Variants in KPNB1 observed in about 807,000 individuals in gnomAD.
The protein encoded by KPNB1 is karyopherin subunit beta 1.
Under a neutral mutation model 113.0 loss-of-function variants are expected in KPNB1, and 7 were observed. The ratio of observed to expected loss-of-function variants is 0.06; its 90% confidence interval spans 0.04 to 0.12. KPNB1 has a LOEUF of 0.12. Ranked by LOEUF, KPNB1 falls within the 10% of genes least tolerant of loss-of-function variation. The probability of loss-of-function intolerance (pLI) is 1.00; values close to 1 mark genes in which losing one functional copy is unlikely to be tolerated. For missense variants in KPNB1, 400 were observed against 1,054.8 expected (o/e 0.38, Z 8.60); for synonymous variants, 363 against 378.6 (o/e 0.96, Z 0.48).
intron 19 of KPNB1, 138 bp downstream of exon 19, chr17:47,678,551 C>T: frequency 1.6e-6 from 1 of 645,140 alleles, no homozygotes; most frequent in Non-Finnish European, 2.8e-6. Context: ...GAGCAGTGCC[C>T]TAATGAAGAG....
chr17:47,655,881 A>T (rs903358745), intron 3 of KPNB1, among the ~76,000 whole-genome samples: 1 of 152,152 alleles, frequency 6.6e-6, no homozygotes, highest in African/African-American at 2.4e-5. Context: ...TCTAGGTTCT[A>T]GGGCAGTGTT....
intron 4 of KPNB1, among the ~76,000 whole-genome samples, chr17:47,657,749 A>G (rs1172270701): frequency 1.3e-5 from 2 of 152,226 alleles, no homozygotes; most frequent in South Asian, 4.1e-4. Flanking sequence ...CAGAGTCATT[A>G]TGCTAAGAAG....
rs752732705 is a variant in KPNB1 at position 47,677,079 on chromosome 17, C to T, written c.2055C>T (p.Ile685=). The part of the protein sequence containing the change: ...GDLCRALQSN[I]IPFCDEVMQL... Reference sequence around the variant, plus strand: ...TGTGCCGTGCCCTGCAATCCAACATCATACCTTTCTGTGACGAGGTGATGC... The same window carrying T: ...TGTGCCGTGCCCTGCAATCCAACATTATACCTTTCTGTGACGAGGTGATGC... The change falls in exon 17 of 22, where the codon ATC becomes ATT. Residue 685 remains isoleucine (I), a synonymous_variant. Transcript: ENST00000290158. 8 of 1,613,962 alleles carry T rather than the reference C, an allele frequency of 5.0e-6. No homozygotes were observed. The highest frequency in any genetic ancestry group is 6.8e-6 in the Non-Finnish European group (8 of 1,179,992).
chr17:47,655,874 A>T (rs2096603443), intron 3 of KPNB1, among the ~76,000 whole-genome samples: 1 of 152,126 alleles, frequency 6.6e-6, no homozygotes, highest in African/African-American at 2.4e-5. Flanking sequence ...TTTTGTTTCT[A>T]GGTTCTAGGG....
Position 47,650,002 on chromosome 17 carries a change from G to A in KPNB1, c.-243G>A, listed in dbSNP as rs372612441. 64 of 1,354,088 alleles carry A rather than the reference G, an allele frequency of 4.7e-5. No individual in the cohort carries two copies. In the East Asian group the frequency reaches 5.7e-4, roughly 12 times the overall value. The allele number at this position is 1,354,088 out of a possible 1,614,324, so 83.9% of individuals were successfully genotyped here. ...CCCGAGCACCAGCGCGCTCTGAGCT[G>A]CCCCCAGGGTCCCTCCCCCGCCGCC... On this transcript the variant is annotated 5_prime_UTR_variant, in exon 1 of 22. Coordinates refer to ENST00000290158, the MANE Select transcript of KPNB1 (RefSeq NM_002265.6).
intron 2 of KPNB1, chr17:47,651,292 G>A (rs1052307758): frequency 2.0e-6 from 2 of 985,166 alleles, no homozygotes; most frequent in African/African-American, 3.5e-5. Flanking sequence ...CTAGATGCCA[G>A]TTAAGTTTCT....
chr17:47,661,951 A>G (rs2030111840), intron 6 of KPNB1, among the ~76,000 whole-genome samples: 1 of 152,212 alleles, frequency 6.6e-6, no homozygotes. Context: ...TTATTGCCAT[A>G]GGTTATTCAA....
At chr17:47,659,577 A>ACC in intron 5 of KPNB1, among the ~76,000 whole-genome samples, 1 of 152,034 alleles carries the variant, frequency 6.6e-6, no homozygotes, top group East Asian at 1.9e-4. Flanking sequence ...ACGTAACAAA[A>ACC]CCCTGTCTCT....
intron 3 of KPNB1, among the ~76,000 whole-genome samples, chr17:47,656,543 C>CT (rs35834634): frequency 0.088 from 12,805 of 145,430 alleles, 584 homozygotes; most frequent in Middle Eastern, 0.2. Flanking sequence ...TTGTATTTTC[C>CT]TTTTTTTTTT....
intron 2 of KPNB1, 83 bp from the exon 3 acceptor site, chr17:47,652,611 G>C (rs1915612130): frequency 1.2e-5 from 14 of 1,128,276 alleles, no homozygotes; most frequent in Non-Finnish European, 1.6e-5. Context: ...CCGCCCCTCT[G>C]GTGGTTCAGT....
At chr17:47,660,969 A>G (rs2030074809) in intron 5 of KPNB1, 150 bp from the exon 6 acceptor site, 3 of 656,528 alleles carry the variant, frequency 4.6e-6, no homozygotes, top group Non-Finnish European at 8.3e-6. Context: ...GTGCTGTACC[A>G]TCTCAAGGGA....
chr17:47,655,439 G>T (rs1449536363), intron 3 of KPNB1, among the ~76,000 whole-genome samples: 1 of 152,218 alleles, frequency 6.6e-6, no homozygotes, highest in African/African-American at 2.4e-5. Context: ...CTTTCAGATT[G>T]GAAGTTATAT....
chr17:47,679,166 A>G lies in KPNB1; in HGVS notation c.2353+753A>G, dbSNP rs149598502. Among the ~76,000 whole-genome samples, 1,178 of 150,994 alleles carry G rather than the reference A, an allele frequency of 7.8e-3. 19 individuals are homozygous for G. The highest frequency in any genetic ancestry group is 0.026 in the African/African-American group (1,074 of 41,016). ...GCTCTCGAACTCCTGAGCTCAGGCAATCTCCCACCTTGGGCTCCCAAAGTG... is the reference window on the plus strand; with the variant it reads ...GCTCTCGAACTCCTGAGCTCAGGCAGTCTCCCACCTTGGGCTCCCAAAGTG... On this transcript the variant is annotated intron_variant, in intron 19 of 21. Coordinates refer to ENST00000290158, the MANE Select transcript of KPNB1 (RefSeq NM_002265.6).
At chr17:47,663,226 C>A (rs1331149338) in intron 7 of KPNB1, 48 bp downstream of exon 7, 2 of 956,428 alleles carry the variant, frequency 2.1e-6, no homozygotes, top group Non-Finnish European at 1.7e-6. Flanking sequence ...AATTACAGAG[C>A]CCATCATCCT....
intron 5 of KPNB1, among the ~76,000 whole-genome samples, chr17:47,658,866 T>C (rs1276542586): frequency 6.6e-6 from 1 of 152,110 alleles, no homozygotes; most frequent in Non-Finnish European, 1.5e-5. Flanking sequence ...GGAAATAAAG[T>C]GTTTCTAAGC....
chr17:47,659,960 T>A (rs1194207430), intron 5 of KPNB1, among the ~76,000 whole-genome samples: 2 of 152,066 alleles, frequency 1.3e-5, no homozygotes, highest in Non-Finnish European at 2.9e-5. Context: ...TGTAAACATT[T>A]TGGCTGAAAA....
intron 9 of KPNB1, among the ~76,000 whole-genome samples, chr17:47,666,314 A>G (rs1055369365): frequency 1.3e-5 from 2 of 151,306 alleles, no homozygotes; most frequent in African/African-American, 4.9e-5. Context: ...CAGCTTCCCA[A>G]AGTGCTGGGA....
intron 14 of KPNB1, 200 bp downstream of exon 14, chr17:47,673,761 C>T (rs1295566034): frequency 3.5e-6 from 2 of 575,782 alleles, no homozygotes; most frequent in African/African-American, 3.7e-5. Flanking sequence ...TAGAAAGATT[C>T]AAATCCTACT....
chr17:47,680,147 C>T lies in KPNB1; in HGVS notation c.2468+13C>T, dbSNP rs911800143. 1 of 1,529,416 alleles carries T rather than the reference C, an allele frequency of 6.5e-7. No individual in the cohort carries two copies. Among genetic ancestry groups the T allele is most frequent in the Non-Finnish European group, 9.1e-7 (1 of 1,102,920 alleles). The allele number at this position is 1,529,416 out of a possible 1,614,324, so 94.7% of individuals were successfully genotyped here. On this transcript the variant is annotated intron_variant, in intron 20 of 21. Transcript: ENST00000290158. ...CTGGACTAATAGGGTAAGTTATACC[C>T]TGCTTCTAAGAGCTGAATAGAACTT...
Sources: allele counts gnomAD v4.1 joint callset (sites outside exome capture counted in the v4.1 genomes callset), GRCh38; gene constraint gnomAD v4.1.1; transcripts MANE v1.5; gene names NCBI Gene and HGNC (gene_info 2026-07-23, HGNC 2026-07-21).